Variants in VPS13B observed in about 807,000 individuals in gnomAD.
VPS13B encodes intermembrane lipid transfer protein VPS13B.
Under a neutral mutation model 426.4 loss-of-function variants are expected in VPS13B, and 285 were observed. The ratio of observed to expected loss-of-function variants is 0.67; its 90% confidence interval spans 0.61 to 0.74. The LOEUF is 0.74. VPS13B is among the 30% of genes least tolerant of loss of function. VPS13B has a pLI of 0.00. For synonymous variants in VPS13B, 1,676 were observed against 1,676.4 expected (o/e 1.00, Z 0.01); for missense variants, 4,537 against 4,782.6 (o/e 0.95, Z 1.51).
rs1026827853 is a variant in VPS13B, at chr8:99,115,710, T to C, written c.773T>C (p.Leu258Ser). The C allele has an allele frequency of 4.3e-6, 7 of 1,612,878 alleles. No individual in the cohort carries two copies. Among genetic ancestry groups the C allele is most frequent in the Middle Eastern group, 1.7e-4 (1 of 6,046 alleles). ...KMPSVIKIHTLVESLKLSITD... is the reference protein window; with the variant it reads ...KMPSVIKIHTSVESLKLSITD... ...TTTTTCAAAATGCAGATTCATACTT[T>C]AGTGGAAAGTTTGAAACTTTCTATC... Residue 258 changes from leucine to serine, a missense_variant, in exon 7 of 62, where the codon TTA (leucine) becomes TCA (serine). Transcript: ENST00000357162.
At chr8:99,259,360 A>G (rs1228417340) in intron 17 of VPS13B, among the ~76,000 whole-genome samples, 1 of 152,116 alleles carries the variant, frequency 6.6e-6, no homozygotes, top group East Asian at 1.9e-4. Context: ...CAAAGAGAAA[A>G]TGAAAATTAG....
At chr8:99,213,618 C>T (rs927712640) in intron 17 of VPS13B, among the ~76,000 whole-genome samples, 12 of 152,142 alleles carry the variant, frequency 7.9e-5, no homozygotes, top group Non-Finnish European at 7.3e-5. Flanking sequence ...TTCAGCTATG[C>T]CCCAGGGTTC....
chr8:99,232,459 C>T (rs182047733), intron 17 of VPS13B, among the ~76,000 whole-genome samples: 22 of 151,806 alleles, frequency 1.4e-4, no homozygotes, highest in African/African-American at 4.4e-4. Context: ...CTCTCTACAC[C>T]GTGAACCTCC....
At chr8:99,176,721 G>T (rs1438850072) in intron 16 of VPS13B, among the ~76,000 whole-genome samples, 4 of 152,136 alleles carry the variant, frequency 2.6e-5, no homozygotes, top group Non-Finnish European at 5.9e-5. Flanking sequence ...TTTTTATTTT[G>T]TATTGAAAAT....
At chr8:99,085,008 T>G (rs1027906863) in intron 3 of VPS13B, among the ~76,000 whole-genome samples, 8 of 48,342 alleles carry the variant, frequency 1.7e-4, no homozygotes, top group Non-Finnish European at 2.8e-4. Context: ...CTGGATATCC[T>G]TGTTAATTTC....
chr8:99,821,714 A>G (rs1342636755), intron 50 of VPS13B, among the ~76,000 whole-genome samples: 1 of 152,166 alleles, frequency 6.6e-6, no homozygotes, highest in Non-Finnish European at 1.5e-5. Context: ...GTTCTATTTC[A>G]GAATACTCAG....
At chr8:99,531,020 C>T (rs1469131005) in intron 30 of VPS13B, among the ~76,000 whole-genome samples, 3 of 152,122 alleles carry the variant, frequency 2.0e-5, no homozygotes, top group Non-Finnish European at 2.9e-5. Context: ...AATTTATATT[C>T]CATTAAATTT....
intron 39 of VPS13B, among the ~76,000 whole-genome samples, chr8:99,753,449 G>A (rs1265774642): frequency 1.3e-5 from 2 of 152,138 alleles, no homozygotes; most frequent in African/African-American, 2.4e-5. Flanking sequence ...AGTTAGAAAT[G>A]AGACTAAAAC....
chr8:99,125,489 A>G (rs192038731), intron 8 of VPS13B, among the ~76,000 whole-genome samples: 153 of 152,312 alleles, frequency 1.0e-3, no homozygotes, highest in African/African-American at 3.0e-3. Flanking sequence ...GCACCCTCAT[A>G]GACACACCCA....
intron 36 of VPS13B, among the ~76,000 whole-genome samples, chr8:99,713,866 G>A (rs1328203921): frequency 6.6e-6 from 1 of 152,222 alleles, no homozygotes; most frequent in Non-Finnish European, 1.5e-5. Context: ...TAGGCCAGGT[G>A]CAGTGGCTCA....
At chr8:99,542,503 C>T (rs914030302) in intron 30 of VPS13B, among the ~76,000 whole-genome samples, 1 of 152,106 alleles carries the variant, frequency 6.6e-6, no homozygotes, top group African/African-American at 2.4e-5. Flanking sequence ...AAGCATGGTA[C>T]ACTTAGAGAC....
At chr8:99,795,769 A>G (rs527874080) in intron 43 of VPS13B, among the ~76,000 whole-genome samples, 2 of 152,248 alleles carry the variant, frequency 1.3e-5, no homozygotes, top group Admixed American at 6.5e-5. Context: ...TCAGCACTCC[A>G]CTACAGGGAT....
chr8:99,654,899 G>A (rs1387661848), intron 34 of VPS13B, among the ~76,000 whole-genome samples: 2 of 150,640 alleles, frequency 1.3e-5, no homozygotes, highest in Non-Finnish European at 2.9e-5. Context: ...TTGTCTCAAT[G>A]AATTGGGACA....
At chr8:99,340,881 G>A (rs1417279649) in intron 19 of VPS13B, 1 of 315,092 alleles carries the variant, frequency 3.2e-6, no homozygotes, top group Non-Finnish European at 6.5e-6. Context: ...TGGTTCAGCT[G>A]TGGTTGTCTG....
intron 33 of VPS13B, among the ~76,000 whole-genome samples, chr8:99,617,954 A>G (rs1192857934): frequency 3.4e-5 from 5 of 148,088 alleles, no homozygotes; most frequent in African/African-American, 1.2e-4. Flanking sequence ...ATGATCTCTC[A>G]GCTGTTAATT....
Position 99,267,750 on chromosome 8 carries a change from GA to G in VPS13B, c.2516-6443del, listed in dbSNP as rs200565731. Among the ~76,000 whole-genome samples, 106 of 151,070 alleles carry G rather than the reference GA, an allele frequency of 7.0e-4. 1 individual carries two copies. The East Asian group carries it at 0.019, about 28-fold the overall frequency. On this transcript the variant is annotated intron_variant, in intron 17 of 61. Coordinates refer to ENST00000357162, the MANE Select transcript of VPS13B (RefSeq NM_152564.5). ...AAAAAAAAAAAGAAAAAAGAAAAAA[GA>G]AAAACCCATTTTCTGGGGAGAAAGT...
At chr8:99,656,667 A>G (rs1366305895) in intron 34 of VPS13B, among the ~76,000 whole-genome samples, 5 of 152,182 alleles carry the variant, frequency 3.3e-5, no homozygotes, top group Non-Finnish European at 5.9e-5. Flanking sequence ...AAGGGACTAA[A>G]GGGTGACTTT....
intron 42 of VPS13B, among the ~76,000 whole-genome samples, chr8:99,781,659 A>C (rs1812026416): frequency 6.6e-6 from 1 of 152,188 alleles, no homozygotes; most frequent in African/African-American, 2.4e-5. Context: ...TGTGTTCTTT[A>C]ATTTACATTT....
At chr8:99,840,607 G>A (rs1815634257) in intron 54 of VPS13B, among the ~76,000 whole-genome samples, 1 of 152,082 alleles carries the variant, frequency 6.6e-6, no homozygotes, top group Non-Finnish European at 1.5e-5. Flanking sequence ...CTCTCATCTA[G>A]CCCATGTTTC....
Sources: allele counts gnomAD v4.1 joint callset (sites outside exome capture counted in the v4.1 genomes callset), GRCh38; gene constraint gnomAD v4.1.1; transcripts MANE v1.5; gene names NCBI Gene and HGNC (gene_info 2026-07-23, HGNC 2026-07-21).